ANK1: variants seen among roughly 807,000 people sequenced by gnomAD.
The protein encoded by ANK1 is ankyrin 1, also known as ankyrin-1.
Under a neutral mutation model 210.4 loss-of-function variants are expected in ANK1, and 51 were observed. That is an observed-to-expected ratio of 0.24 (90% CI 0.19 to 0.31). The LOEUF (loss-of-function observed/expected upper bound fraction) is 0.31. Ranked by LOEUF, ANK1 falls within the 10% of genes least tolerant of loss-of-function variation. ANK1 has a pLI of 1.00. For missense variants in ANK1, 2,051 were observed against 2,504.4 expected, an observed-to-expected ratio of 0.82 and a Z score of 3.86; for synonymous variants, 967 against 1,025.9, an observed-to-expected ratio of 0.94 and a Z score of 1.10.
chr8:41,690,683 C>A, intron 31 of ANK1, 84 bp from the exon 32 acceptor site: 1 of 1,543,662 alleles, frequency 6.5e-7, no homozygotes, highest in Non-Finnish European at 8.8e-7. Flanking sequence ...CCTTCCCTCT[C>A]CAAGACACAC....
In ANK1 at chr8:41,708,808, C is replaced by T. The variant is rs201462433; in HGVS notation, c.1968G>A (p.Ser656=). ...TCCCCAGGTTGCCATTGGCTTGTTT[C>T]GAGAGCAGCAGAGCCACCATCTCTG... The part of the protein sequence containing the change: ...GHAEMVALLL[S]KQANGNLGNK... The change falls in exon 17 of 43, where the codon TCG becomes TCA. Residue 656 remains serine, a synonymous_variant. Coordinates refer to ENST00000289734, the MANE Select transcript of ANK1 (RefSeq NM_000037.4). 2.1e-5 allele frequency: 34 copies of T among 1,613,898 alleles called. No individual in the cohort carries two copies. In the Admixed American group the frequency reaches 4.8e-4, roughly 23 times the overall value.
chr8:41,696,237 G>A (rs1262126638), intron 26 of ANK1, 126 bp downstream of exon 26: 57 of 1,077,874 alleles, frequency 5.3e-5, no homozygotes, highest in Non-Finnish European at 7.2e-5. Context: ...ACACCTTCGT[G>A]TGTCAGGAAA....
chr8:41,893,225 C>A (rs1819778556), intron 1 of ANK1, among the ~76,000 whole-genome samples: 1 of 152,222 alleles, frequency 6.6e-6, no homozygotes, highest in Admixed American at 6.5e-5. Flanking sequence ...CAAATGCCTG[C>A]TTTACACATG....
chr8:41,893,017 A>C (rs1819742272), intron 1 of ANK1, among the ~76,000 whole-genome samples: 2 of 152,160 alleles, frequency 1.3e-5, no homozygotes, highest in South Asian at 4.1e-4. Context: ...CCTGTCACTC[A>C]GGGCCAAGGC....
chr8:41,795,268 T>G (rs1435951444), intron 1 of ANK1, among the ~76,000 whole-genome samples: 2 of 152,120 alleles, frequency 1.3e-5, no homozygotes, highest in Admixed American at 6.5e-5. Context: ...ATGCCGGCAC[T>G]TTGGGAGGCT....
At chr8:41,723,385 C>A in intron 8 of ANK1, 150 bp downstream of exon 8, 1 of 1,144,140 alleles carries the variant, frequency 8.7e-7, no homozygotes, top group East Asian at 2.4e-5. Context: ...TCCCACTGCA[C>A]GCGGCACTGC....
intron 36 of ANK1, among the ~76,000 whole-genome samples, chr8:41,685,148 C>T (rs868241766): frequency 6.6e-6 from 1 of 152,162 alleles, no homozygotes; most frequent in Non-Finnish European, 1.5e-5. Flanking sequence ...AGGCTGGTCT[C>T]GAACTCCTGA....
Position 41,696,695 on chromosome 8 carries a change from C to A in ANK1, c.2716G>T (p.Ala906Ser), listed in dbSNP as rs755101684. Reference protein sequence around the residue: ...TETSDNISPVASPVHTGFLVS... With the variant: ...TETSDNISPVSSPVHTGFLVS... ...ACTCACCCTGTATGCACCGGGCTGG[C>A]CACCGGGCTGATGTTGTCTGAGGTC... Residue 906 changes from alanine to serine, a missense_variant, in exon 25 of 43, where the codon GCC becomes TCC. Around this residue, in one of 6 missense-constraint regions of ANK1, gnomAD observed 1,413 missense variants for 1,707.4 expected, o/e 0.83. Transcript: ENST00000289734. The A allele has an allele frequency of 4.4e-6, 7 of 1,603,532 alleles. No individual in the cohort carries two copies. The Admixed American group carries it at 8.3e-5, about 19-fold the overall frequency.
chr8:41,707,330 G>A (rs1824864235), intron 17 of ANK1, among the ~76,000 whole-genome samples: 1 of 152,212 alleles, frequency 6.6e-6, no homozygotes, highest in African/African-American at 2.4e-5. Flanking sequence ...AATACACTTT[G>A]CTAGCGTGGG....
chr8:41,759,501 T>C (rs1839947458), intron 1 of ANK1, among the ~76,000 whole-genome samples: 1 of 119,188 alleles, frequency 8.4e-6, no homozygotes, highest in Admixed American at 8.2e-5. Flanking sequence ...CAAGACTCCG[T>C]CTCAAAAACA....
At chr8:41,668,881 G>A (rs902839812) in intron 38 of ANK1, among the ~76,000 whole-genome samples, 2 of 152,032 alleles carry the variant, frequency 1.3e-5, no homozygotes, top group Admixed American at 1.3e-4. Context: ...CAAACACTGG[G>A]GCCTCCACAC....
intron 1 of ANK1, among the ~76,000 whole-genome samples, chr8:41,879,070 A>G (rs1191403882): frequency 6.6e-6 from 1 of 152,170 alleles, no homozygotes; most frequent in Non-Finnish European, 1.5e-5. Flanking sequence ...CCTCAAAAAT[A>G]AAAAATAAAA....
At chr8:41,747,666 A>T (rs1315081003) in intron 2 of ANK1, among the ~76,000 whole-genome samples, 1 of 152,272 alleles carries the variant, frequency 6.6e-6, no homozygotes, top group African/African-American at 2.4e-5. Context: ...GTCTCTAAGC[A>T]CTATGAAGAT....
At chr8:41,791,441 T>C (rs1438053718) in intron 1 of ANK1, among the ~76,000 whole-genome samples, 10 of 150,372 alleles carry the variant, frequency 6.7e-5, no homozygotes, top group African/African-American at 9.8e-5. Flanking sequence ...CTCTCTCTCT[T>C]TCTTTCTTTT....
At chr8:41,863,361 TA>T (rs1035819125) in intron 1 of ANK1, among the ~76,000 whole-genome samples, 2 of 149,596 alleles carry the variant, frequency 1.3e-5, no homozygotes, top group African/African-American at 2.5e-5. Context: ...TCCATCTCAT[TA>T]AAAAAAAAGA....
At chr8:41,674,661 A>G (rs1026686204) in intron 37 of ANK1, among the ~76,000 whole-genome samples, 2 of 152,250 alleles carry the variant, frequency 1.3e-5, no homozygotes, top group African/African-American at 4.8e-5. Context: ...GCCCGGAGCC[A>G]TGCTGTGTAC....
intron 1 of ANK1, among the ~76,000 whole-genome samples, chr8:41,839,272 C>G (rs762817103): frequency 2.0e-5 from 3 of 152,216 alleles, no homozygotes; most frequent in Non-Finnish European, 4.4e-5. Context: ...TCTGAGGACT[C>G]TGCATGCATT....
At chr8:41,855,964 T>C (rs1812109049) in intron 1 of ANK1, among the ~76,000 whole-genome samples, 1 of 152,112 alleles carries the variant, frequency 6.6e-6, no homozygotes, top group Non-Finnish European at 1.5e-5. Flanking sequence ...CAAAGGGGCA[T>C]GGTGAGATTG....
chr8:41,895,344 C>T (rs180882332), intron 1 of ANK1, among the ~76,000 whole-genome samples: 15 of 149,050 alleles, frequency 1.0e-4, no homozygotes, highest in African/African-American at 3.4e-4. Flanking sequence ...TCAGCATCTC[C>T]GATTCCCAGA....
Sources: allele counts gnomAD v4.1 joint callset (sites outside exome capture counted in the v4.1 genomes callset), GRCh38; gene constraint gnomAD v4.1.1; regional missense constraint gnomAD v4.1.1; transcripts MANE v1.5; gene names NCBI Gene and HGNC (gene_info 2026-07-23, HGNC 2026-07-21).